The following KRTAP4-16 variants were observed in gnomAD, a reference collection of about 807,000 sequenced individuals.
The protein encoded by KRTAP4-16 is keratin associated protein 4-16.
For missense variants in KRTAP4-16, 378 were observed against 233.5 expected (o/e 1.62, Z -4.03); for synonymous variants, 140 against 88.8 (o/e 1.58, Z -3.24).
At chr17:41,101,889 G>A (rs1192703877) in exon 1 of KRTAP4-16, 2 of 1,610,604 alleles carry the variant, frequency 1.2e-6, no homozygotes, top group East Asian at 2.2e-5. Flanking sequence ...AGATGCAGCA[G>A]CTGGGGTGGC....
chr17:41,101,871 G>T (rs1300564508), exon 1 of KRTAP4-16: 3 of 1,608,650 alleles, frequency 1.9e-6, no homozygotes, highest in Non-Finnish European at 1.7e-6. Context: ...AGGGGCAGCA[G>T]CTGCTGGAGA....
At chr17:41,101,580 TGAAGGGAGAGAA>T in exon 1 of KRTAP4-16, 2 of 117,570 alleles carry the variant, frequency 1.7e-5, no homozygotes, top group Admixed American at 2.0e-4. Context: ...GAGGGGAAAG[TGAAGGGAGAGAA>T]GGGGAAGGGG....
At position 41,101,731 on chromosome 17, in the gene KRTAP4-16, G is replaced by T. The variant is rs762480551; in HGVS notation, c.479C>A (p.Ala160Asp). ...GAAGGGGAGGGGAAGGGGAGGGGAG[G>T]CACAGCACAAGGGGTGGGGGCAGGT... Residue 160 changes from alanine to aspartate, a missense_variant, in exon 1 of 1, where the codon GCC (alanine) becomes GAC (aspartate). Transcript: ENST00000440582. The T allele has an allele frequency of 9.6e-6, 12 of 1,243,762 alleles. No homozygotes were observed. The African/African-American group carries it at 1.2e-4, about 12-fold the overall frequency. The allele number at this position is 1,243,762 out of a possible 1,614,324, so 77.0% of individuals were successfully genotyped here. A position where few individuals can be genotyped will look rare whatever the true frequency, so the allele number is the denominator to read the frequency against.
exon 1 of KRTAP4-16, chr17:41,101,513 T>G: frequency 2.2e-6 from 1 of 447,802 alleles, no homozygotes; most frequent in Non-Finnish European, 3.9e-6. Context: ...TATTGAAGCA[T>G]GCTCTTGGGA....
chr17:41,101,766 A>T, the KRTAP4-16 span: 3 of 1,507,874 alleles, frequency 2.0e-6, no homozygotes, highest in Non-Finnish European at 2.7e-6. Context: ...TGGAGATGAC[A>T]CAGGTTGGGT....
exon 1 of KRTAP4-16, chr17:41,101,885 A>T (rs1308186731): frequency 6.2e-6 from 10 of 1,610,530 alleles, no homozygotes; most frequent in Non-Finnish European, 8.5e-6. Context: ...CTGGAGATGC[A>T]GCAGCTGGGG....
Position 41,102,132 on chromosome 17 carries a change from G to A in KRTAP4-16, c.78C>T (p.Pro26=), listed in dbSNP as rs571568953. 33 of 1,547,794 alleles carry A rather than the reference G, an allele frequency of 2.1e-5. No homozygotes were observed. In the South Asian group the frequency reaches 3.3e-4, roughly 16 times the overall value. Residue 26 remains proline, a synonymous_variant, in exon 1 of 1, where the codon CCC becomes CCT. Coordinates refer to ENST00000440582, the Ensembl canonical transcript of KRTAP4-16. Reference sequence around the variant, plus strand: ...TGCAGCAGGTGGTCTGACAACAGCTGGGGTGACAGCAGTTGGGTGGGCTGG... The same window carrying A: ...TGCAGCAGGTGGTCTGACAACAGCTAGGGTGACAGCAGTTGGGTGGGCTGG...
At chr17:41,101,989 C>G (rs760673150) in exon 1 of KRTAP4-16, 7 of 1,603,382 alleles carry the variant, frequency 4.4e-6, no homozygotes, top group East Asian at 2.2e-5. Flanking sequence ...GGTCGTCCTG[C>G]AGCAGGTGGT....
chr17:41,101,648 G>A (rs748137671), exon 1 of KRTAP4-16: 12 of 526,006 alleles, frequency 2.3e-5, no homozygotes, highest in African/African-American at 1.0e-4. Flanking sequence ...GGGGAAGGGC[G>A]GGGAGGGGAG....
At chr17:41,101,714 G>A (rs1201877665) in exon 1 of KRTAP4-16, 1 of 1,066,802 alleles carries the variant, frequency 9.4e-7, no homozygotes, top group Non-Finnish European at 1.4e-6. Context: ...GGGAAGGGGA[G>A]GGGAAGGGGA....
At chr17:41,102,030 CTGGCAGCACACGGAA>C (rs763434324) in exon 1 of KRTAP4-16, 2 of 1,590,460 alleles carry the variant, frequency 1.3e-6, no homozygotes, top group East Asian at 2.5e-5. Flanking sequence ...AGCAGGTGGG[CTGGCAGCACACGGAA>C]TGGCAGCACT....
In KRTAP4-16 at chr17:41,102,029, G is replaced by C. The variant is rs756611553; in HGVS notation, c.181C>G (p.Pro61Ala). The change falls in exon 1 of 1, where the codon CCC becomes GCC. Residue 61 changes from proline to alanine, a missense_variant. Physicochemically the swap from Pro to Ala is conservative, Grantham distance 27 (BLOSUM62 -1). Coordinates refer to ENST00000440582, the Ensembl canonical transcript of KRTAP4-16. Reference sequence around the variant, plus strand: ...CAGCAGCTGGGGCGGCAGCAGGTGGGCTGGCAGCACACGGAATGGCAGCAC... The same window carrying C: ...CAGCAGCTGGGGCGGCAGCAGGTGGCCTGGCAGCACACGGAATGGCAGCAC... 16 of 1,591,034 alleles carry C rather than the reference G, an allele frequency of 1.0e-5. 1 individual carries two copies. The African/African-American group carries it at 1.9e-4, about 19-fold the overall frequency.
exon 1 of KRTAP4-16, chr17:41,102,089 G>A: frequency 6.3e-7 from 1 of 1,588,922 alleles, no homozygotes; most frequent in Non-Finnish European, 8.6e-7. Flanking sequence ...GAGCAGCTGT[G>A]GGAGCAGGAG....
chr17:41,101,871 G>A (rs1300564508), exon 1 of KRTAP4-16: 6 of 1,608,768 alleles, frequency 3.7e-6, no homozygotes, highest in Non-Finnish European at 5.1e-6. Flanking sequence ...AGGGGCAGCA[G>A]CTGCTGGAGA....
At chr17:41,101,935 T>C in exon 1 of KRTAP4-16, 1 of 1,602,820 alleles carries the variant, frequency 6.2e-7, no homozygotes, top group African/African-American at 1.4e-5. Flanking sequence ...ATGGCAGCAC[T>C]GGGGTCTGCA....
chr17:41,101,599 G>C (rs1285622105), exon 1 of KRTAP4-16: 19 of 417,876 alleles, frequency 4.5e-5, no homozygotes, highest in Non-Finnish European at 2.1e-5. Context: ...AGAAGGGGAA[G>C]GGGAAGGGGA....
exon 1 of KRTAP4-16, chr17:41,102,053 A>C (rs760730378): frequency 1.9e-6 from 3 of 1,602,438 alleles, no homozygotes; most frequent in South Asian, 2.2e-5. Context: ...GAATGGCAGC[A>C]CTGGGGTCTG....
At chr17:41,101,968 G>A in exon 1 of KRTAP4-16, 2 of 1,601,236 alleles carry the variant, frequency 1.2e-6, no homozygotes, top group Non-Finnish European at 1.7e-6. Flanking sequence ...ACAGCAGCTG[G>A]GGTGGCAGCA....
chr17:41,101,584 G>A (rs1405212834), exon 1 of KRTAP4-16: 1 of 417,732 alleles, frequency 2.4e-6, no homozygotes, highest in Non-Finnish European at 4.1e-6. Context: ...GGAAAGTGAA[G>A]GGAGAGAAGG....
Sources: gnomAD v4.1 joint callset for allele counts on GRCh38, gnomAD v4.1.1 for gene constraint, MANE v1.5 for transcripts, NCBI Gene and HGNC (gene_info 2026-07-23, HGNC 2026-07-21) for gene names.